SORCS2: variants seen among roughly 807,000 people sequenced by gnomAD.
SORCS2 encodes the protein sortilin related VPS10 domain containing receptor 2.
In SORCS2, 100 loss-of-function variants were observed where a neutral mutation model predicts 141.6. The observed-to-expected ratio is 0.71, with a 90% CI of 0.60 to 0.83. The LOEUF is 0.83. Ranked by LOEUF, SORCS2 falls within the 40% of genes least tolerant of loss-of-function variation. SORCS2 has a pLI of 0.00. For synonymous variants in SORCS2, 789 were observed against 676.9 expected, an observed-to-expected ratio of 1.17 and a Z score of -2.57; for missense variants, 1,646 against 1,560.2, an observed-to-expected ratio of 1.05 and a Z score of -0.93.
intron 22 of SORCS2, among the ~76,000 whole-genome samples, chr4:7,729,160 G>C (rs1276495334): frequency 6.6e-6 from 1 of 152,226 alleles, no homozygotes; most frequent in Admixed American, 6.5e-5. Context: ...GTATGGCCCT[G>C]GCTGGGCCTG....
intron 14 of SORCS2, among the ~76,000 whole-genome samples, chr4:7,710,025 G>C (rs1268618341): frequency 6.6e-6 from 1 of 152,190 alleles, no homozygotes; most frequent in Non-Finnish European, 1.5e-5. Flanking sequence ...TCTTTCTCAT[G>C]GTATCAGCTG....
In SORCS2 at chr4:7,670,509, G is replaced by A. The variant is rs1350344487; in HGVS notation, c.1161+3296G>A. ...TAAAGTAAAATAAAATTTCTAAGCC[G>A]TATGAATAAAGAAAGAAGTGACATC... On this transcript the variant is annotated intron_variant, in intron 8 of 26. Coordinates refer to ENST00000507866, the MANE Select transcript of SORCS2 (RefSeq NM_020777.3). Among the ~76,000 whole-genome samples, 14 of 152,242 alleles carry A rather than the reference G, an allele frequency of 9.2e-5. No individual in the cohort carries two copies. The East Asian group carries it at 1.4e-3, about 15-fold the overall frequency.
At chr4:7,364,561 A>G (rs923418448) in intron 1 of SORCS2, among the ~76,000 whole-genome samples, 59 of 152,112 alleles carry the variant, frequency 3.9e-4, no homozygotes, top group African/African-American at 1.3e-3. Context: ...CCTTGGGGCA[A>G]TGCTCATGGG....
In SORCS2 at chr4:7,340,191, A is replaced by C. The variant is rs563928120; in HGVS notation, c.481-56097A>C. On this transcript the variant is annotated intron_variant, in intron 1 of 26. Transcript: ENST00000507866. The stretch of plus-strand genomic sequence containing the variant: ...GTGGATTTGAAAGGCCCGAGGCCCC[A>C]CAGTTAGTAAGAGGCTGAGCCAGCA... Among the ~76,000 whole-genome samples the C allele has an allele frequency of 3.3e-5, 5 of 152,326 alleles. No individual in the cohort carries two copies. The South Asian group carries it at 1.0e-3, about 32-fold the overall frequency.
At position 7,395,921 on chromosome 4, in the gene SORCS2, A is replaced by C. The variant is rs111481174; in HGVS notation, c.481-367A>C. On this transcript the variant is annotated intron_variant, in intron 1 of 26. Coordinates refer to ENST00000507866, the MANE Select transcript of SORCS2 (RefSeq NM_020777.3). ...AGCCCTGTCTCCAGAAGCCTTGCCA[A>C]ATGCGCTCCATCCTCACATAGGGAC... is the stretch of plus-strand genomic sequence containing the variant. Among the ~76,000 whole-genome samples the C allele has an allele frequency of 8.1e-4, 123 of 152,282 alleles. 2 individuals are homozygous for C. The highest frequency in any genetic ancestry group is 2.8e-3 in the African/African-American group (118 of 41,564).
chr4:7,579,686 G>C (rs1048177422), intron 3 of SORCS2, among the ~76,000 whole-genome samples: 5 of 152,170 alleles, frequency 3.3e-5, no homozygotes, highest in South Asian at 2.1e-4. Context: ...GTGGGTGCTT[G>C]TTCTGCTCTG....
chr4:7,573,058 G>A (rs184544335), intron 3 of SORCS2, among the ~76,000 whole-genome samples: 32 of 152,324 alleles, frequency 2.1e-4, no homozygotes, highest in African/African-American at 7.7e-4. Context: ...AGCTGCGTGT[G>A]TTGCTGCTTT....
intron 1 of SORCS2, among the ~76,000 whole-genome samples, chr4:7,333,270 G>T (rs1385123659): frequency 6.6e-6 from 1 of 152,190 alleles, no homozygotes; most frequent in Non-Finnish European, 1.5e-5. Context: ...TGCTTCCTCT[G>T]CCCCGGGGCT....
intron 3 of SORCS2, among the ~76,000 whole-genome samples, chr4:7,632,841 T>C (rs973322243): frequency 2.0e-5 from 3 of 151,948 alleles, no homozygotes; most frequent in Admixed American, 2.0e-4. Flanking sequence ...ACCAGGCTGT[T>C]AGCCTGTGTA....
chr4:7,477,846 C>G (rs1249542422), intron 2 of SORCS2, among the ~76,000 whole-genome samples: 1 of 152,182 alleles, frequency 6.6e-6, no homozygotes, highest in South Asian at 2.1e-4. Flanking sequence ...ATGACCTGGG[C>G]CACTTTCCCT....
chr4:7,665,860 C>T (rs1722470327), intron 7 of SORCS2, among the ~76,000 whole-genome samples: 1 of 152,196 alleles, frequency 6.6e-6, no homozygotes, highest in African/African-American at 2.4e-5. Flanking sequence ...CAAAGCCCTG[C>T]AGCCTAAGAC....
At chr4:7,477,375 ACCGTGGC>A (rs1560316769) in intron 2 of SORCS2, among the ~76,000 whole-genome samples, 8 of 34,532 alleles carry the variant, frequency 2.3e-4, no homozygotes, top group Non-Finnish European at 4.4e-4. Flanking sequence ...ACCGTGGCTG[ACCGTGGC>A]TGATTGGGGC....
At chr4:7,315,795 G>A (rs1397264792) in intron 1 of SORCS2, among the ~76,000 whole-genome samples, 1 of 152,156 alleles carries the variant, frequency 6.6e-6, no homozygotes, top group Non-Finnish European at 1.5e-5. Flanking sequence ...TCTCTCCCCA[G>A]TGACTAGCTG....
rs185995411 is a variant in SORCS2, at chr4:7,416,376, A to T, written c.548+20021A>T. ...CCCTCCAGGACACAGTTGAGTGCAA[A>T]GTCCAAGCATGTGTGTTCCTGGAGG... On this transcript the variant is annotated intron_variant, in intron 2 of 26. Transcript: ENST00000507866. Among the ~76,000 whole-genome samples the T allele has an allele frequency of 2.6e-5, 4 of 152,244 alleles. No homozygotes were observed. The East Asian group carries it at 7.7e-4, about 29-fold the overall frequency.
At chr4:7,264,412 A>C (rs868080269) in intron 1 of SORCS2, among the ~76,000 whole-genome samples, 2 of 152,092 alleles carry the variant, frequency 1.3e-5, no homozygotes, top group African/African-American at 4.8e-5. Flanking sequence ...AGGTGTGGGC[A>C]TCTGTCCCCT....
At chr4:7,585,021 G>A (rs1716443472) in intron 3 of SORCS2, among the ~76,000 whole-genome samples, 1 of 152,230 alleles carries the variant, frequency 6.6e-6, no homozygotes. Flanking sequence ...CACGCCCTGA[G>A]AGGGAGAGAA....
chr4:7,531,744 G>C, intron 3 of SORCS2, 115 bp downstream of exon 3: 2 of 1,024,544 alleles, frequency 2.0e-6, no homozygotes, highest in Non-Finnish European at 2.9e-6. Flanking sequence ...CCAGGCCGGA[G>C]TGTGAGATGT....
intron 21 of SORCS2, among the ~76,000 whole-genome samples, chr4:7,727,667 C>G (rs933946854): frequency 6.6e-6 from 1 of 152,198 alleles, no homozygotes; most frequent in Non-Finnish European, 1.5e-5. Context: ...CATCACCACC[C>G]TCATTGTAAG....
chr4:7,316,727 T>C (rs944438249), intron 1 of SORCS2, among the ~76,000 whole-genome samples: 2 of 152,202 alleles, frequency 1.3e-5, no homozygotes, highest in Non-Finnish European at 2.9e-5. Context: ...AAATGGGGAC[T>C]GGAAGGCTGA....
Sources: allele counts gnomAD v4.1 joint callset (sites outside exome capture counted in the v4.1 genomes callset), GRCh38; gene constraint gnomAD v4.1.1; transcripts MANE v1.5; gene names NCBI Gene and HGNC (gene_info 2026-07-23, HGNC 2026-07-21).